The following SLC44A5 variants were observed in gnomAD, a reference collection of about 807,000 sequenced individuals.
SLC44A5 encodes the protein choline transporter-like protein 5.
SLC44A5 carries 57 observed loss-of-function variants against 101.8 expected under a neutral mutation model. The observed-to-expected ratio is 0.56, with a 90% CI of 0.45 to 0.70. The LOEUF (loss-of-function observed/expected upper bound fraction) is 0.70. Ranked by LOEUF, SLC44A5 falls within the 30% of genes least tolerant of loss-of-function variation. The pLI is 0.00. For synonymous variants in SLC44A5, 281 were observed against 290.9 expected (o/e 0.97, Z 0.35); for missense variants, 737 against 853.1 (o/e 0.86, Z 1.70).
At chr1:75,543,568 A>G (rs571608958) in intron 1 of SLC44A5, among the ~76,000 whole-genome samples, 3 of 146,602 alleles carry the variant, frequency 2.0e-5, no homozygotes, top group African/African-American at 7.5e-5. Context: ...TGAGGCTAGA[A>G]AAGTTCCTAT....
At chr1:75,303,588 A>G (rs1411197922) in intron 4 of SLC44A5, among the ~76,000 whole-genome samples, 3 of 152,212 alleles carry the variant, frequency 2.0e-5, no homozygotes, top group East Asian at 1.9e-4. Context: ...CTAATGAATT[A>G]GCATCAGTTG....
intron 5 of SLC44A5, among the ~76,000 whole-genome samples, chr1:75,277,377 T>G (rs1570547259): frequency 1.3e-5 from 2 of 152,190 alleles, no homozygotes; most frequent in African/African-American, 4.8e-5. Context: ...TTCACCTGAA[T>G]GGTATAGATA....
upstream of SLC44A5, among the ~76,000 whole-genome samples, chr1:75,614,558 G>A (rs975588161): frequency 6.6e-6 from 1 of 152,148 alleles, no homozygotes; most frequent in Non-Finnish European, 1.5e-5. Flanking sequence ...GTGACCTCTA[G>A]AGCGGAGCTA....
chr1:75,550,884 C>T (rs190026), intron 1 of SLC44A5, among the ~76,000 whole-genome samples: 144,745 of 152,236 alleles, frequency 0.95, 68,848 homozygotes, highest in East Asian at 0.98. Flanking sequence ...CTAGGATATC[C>T]TATGCTAAGA....
intron 2 of SLC44A5, among the ~76,000 whole-genome samples, chr1:75,479,887 C>T (rs1320891638): frequency 6.6e-6 from 1 of 152,182 alleles, no homozygotes; most frequent in Non-Finnish European, 1.5e-5. Context: ...GGGAATCCTC[C>T]CTAACTCATT....
chr1:75,682,781 T>C, the SLC44A5 span, among the ~76,000 whole-genome samples: 1 of 151,528 alleles, frequency 6.6e-6, no homozygotes, highest in Non-Finnish European at 1.5e-5. Flanking sequence ...AAAGAGCTTC[T>C]GCACAGCAAA....
chr1:75,672,229 C>T, the SLC44A5 span, among the ~76,000 whole-genome samples: 1 of 152,134 alleles, frequency 6.6e-6, no homozygotes, highest in South Asian at 2.1e-4. Flanking sequence ...TTGCCTATGC[C>T]ACCCTTCCCC....
chr1:75,495,151 T>C (rs1279697800), intron 2 of SLC44A5, among the ~76,000 whole-genome samples: 1 of 152,124 alleles, frequency 6.6e-6, no homozygotes, highest in Non-Finnish European at 1.5e-5. Flanking sequence ...ATTTGCCTGT[T>C]GGAGTTAAAA....
intron 5 of SLC44A5, among the ~76,000 whole-genome samples, chr1:75,294,790 T>TAAA (rs1653831988): frequency 6.6e-6 from 1 of 152,070 alleles, no homozygotes; most frequent in Non-Finnish European, 1.5e-5. Context: ...AGAAGAAAAG[T>TAAA]ATTGCGTGAT....
intron 3 of SLC44A5, among the ~76,000 whole-genome samples, chr1:75,352,295 A>G (rs1658739285): frequency 6.6e-6 from 1 of 152,012 alleles, no homozygotes; most frequent in Non-Finnish European, 1.5e-5. Flanking sequence ...GCACAGATCA[A>G]CCCATCACCC....
intron 1 of SLC44A5, among the ~76,000 whole-genome samples, chr1:75,554,795 T>C (rs1212091622): frequency 2.6e-5 from 4 of 152,040 alleles, no homozygotes; most frequent in Admixed American, 2.0e-4. Context: ...TACTAATAAA[T>C]ATTATTATGG....
At chr1:75,574,975 C>T (rs1673280369) in intron 1 of SLC44A5, among the ~76,000 whole-genome samples, 1 of 152,024 alleles carries the variant, frequency 6.6e-6, no homozygotes, top group Admixed American at 6.6e-5. Flanking sequence ...TGAGAGAAGC[C>T]TTAGGATGAC....
chr1:75,421,495 T>C (rs558711352), intron 2 of SLC44A5, among the ~76,000 whole-genome samples: 2 of 152,262 alleles, frequency 1.3e-5, no homozygotes, highest in African/African-American at 4.8e-5. Flanking sequence ...TCTTTCAACA[T>C]GAAGGGATTG....
At chr1:75,684,697 G>A in the SLC44A5 span, among the ~76,000 whole-genome samples, 7 of 152,140 alleles carry the variant, frequency 4.6e-5, no homozygotes, top group African/African-American at 7.2e-5. Flanking sequence ...CATGGTCTTG[G>A]GCAGCTCCGC....
the SLC44A5 span, among the ~76,000 whole-genome samples, chr1:75,670,851 C>T: frequency 6.6e-6 from 1 of 152,090 alleles, no homozygotes; most frequent in African/African-American, 2.4e-5. Flanking sequence ...TTTTAAATGC[C>T]AGACATATGG....
At chr1:75,226,329 G>T (rs922971828) in intron 13 of SLC44A5, among the ~76,000 whole-genome samples, 3 of 151,990 alleles carry the variant, frequency 2.0e-5, no homozygotes, top group Admixed American at 1.3e-4. Flanking sequence ...GGTCATCAAG[G>T]TTGGCATCAT....
At chr1:75,492,538 C>G (rs934699340) in intron 2 of SLC44A5, among the ~76,000 whole-genome samples, 11 of 151,796 alleles carry the variant, frequency 7.2e-5, no homozygotes, top group African/African-American at 2.7e-4. Flanking sequence ...AGATTATAGT[C>G]TAATAAGGAA....
At chr1:75,236,801 T>C (rs1257012619) in intron 11 of SLC44A5, among the ~76,000 whole-genome samples, 186 bp downstream of exon 11, 1 of 152,102 alleles carries the variant, frequency 6.6e-6, no homozygotes, top group Non-Finnish European at 1.5e-5. Context: ...TATTTCCAAA[T>C]ATCTTTTCCC....
At chr1:75,610,293 C>A (rs1034022204) in intron 1 of SLC44A5, among the ~76,000 whole-genome samples, 2 of 151,916 alleles carry the variant, frequency 1.3e-5, no homozygotes, top group African/African-American at 2.4e-5. Flanking sequence ...TTAGAGAGAG[C>A]AATATTTCTA....
Sources: gnomAD v4.1 joint callset for allele counts (sites outside exome capture counted in the v4.1 genomes callset) on GRCh38, gnomAD v4.1.1 for gene constraint, MANE v1.5 for transcripts, NCBI Gene and HGNC (gene_info 2026-07-23, HGNC 2026-07-21) for gene names.